The following NOL4L variants were observed in gnomAD, a reference collection of about 807,000 sequenced individuals.
NOL4L encodes the protein nucleolar protein 4 like.
A neutral mutation model predicts 64.5 loss-of-function variants in NOL4L; 7 were observed. The observed-to-expected ratio is 0.11, with a 90% confidence interval of 0.06 to 0.20. The LOEUF (loss-of-function observed/expected upper bound fraction) is 0.20. Among genes scored for constraint, NOL4L ranks in the 10% least tolerant of loss-of-function variants. The pLI is 1.00. For missense variants in NOL4L, 680 were observed against 967.1 expected, an observed-to-expected ratio of 0.70 and a Z score of 3.94; for synonymous variants, 413 against 401.0, an observed-to-expected ratio of 1.03 and a Z score of -0.36.
At chr20:32,487,216 C>T (rs1221891307) in intron 4 of NOL4L, among the ~76,000 whole-genome samples, 3 of 151,922 alleles carry the variant, frequency 2.0e-5, no homozygotes, top group African/African-American at 4.8e-5. Flanking sequence ...TGCAGTGAGC[C>T]GAGATCATAC....
intron 1 of NOL4L, among the ~76,000 whole-genome samples, chr20:32,546,407 T>C (rs143760861): frequency 5.7e-4 from 86 of 152,192 alleles, no homozygotes; most frequent in Non-Finnish European, 4.1e-4. Flanking sequence ...CCAGCTAATT[T>C]TGTATTTTTA....
chr20:32,471,080 C>A (rs1196187101), intron 5 of NOL4L, among the ~76,000 whole-genome samples: 1 of 152,214 alleles, frequency 6.6e-6, no homozygotes, highest in Non-Finnish European at 1.5e-5. Context: ...GACTCGCAGC[C>A]AGTGGCAGGG....
At chr20:32,530,035 T>A (rs2018286517) in intron 1 of NOL4L, among the ~76,000 whole-genome samples, 1 of 152,358 alleles carries the variant, frequency 6.6e-6, no homozygotes, top group South Asian at 2.1e-4. Context: ...GACTAACTTG[T>A]TCACTATTGA....
rs41289858 is a variant in NOL4L, at chr20:32,444,042, G to C, written c.*3554C>G. The C allele has an allele frequency of 1.3e-5, 2 of 152,338 alleles. No individual in the cohort carries two copies. Among genetic ancestry groups the C allele is most frequent in the Non-Finnish European group, 2.9e-5 (2 of 68,038 alleles). The allele number at this position is 152,338 out of a possible 1,614,324, so 9.4% of individuals were successfully genotyped here. ...GTGAGAGGTTTTTGTTTGTGGCTTT[G>C]CTAAGCAGATGAGCTTAGTGAGGTG... On this transcript the variant is annotated 3_prime_UTR_variant, in exon 11 of 11. Transcript: ENST00000621426.
Position 32,584,731 on chromosome 20 carries a change from C to T in NOL4L, c.160G>A (p.Glu54Lys). The change falls in exon 1 of 11, where the codon GAG (glutamate) becomes AAG (lysine). Residue 54 changes from glutamate (E) to lysine (K), a missense_variant. Coordinates refer to ENST00000621426, the MANE Select transcript of NOL4L (RefSeq NM_001256798.2). ...VTRSKYQRIA[E>K]VLQGGGGTGA... ...GTCCCGCCGCCGCCCTGCAGGACCT[C>T]GGCGATCCGCTGGTATTTGCTGCGT... 1.9e-6 allele frequency: 3 copies of T among 1,548,000 alleles called. No homozygotes were observed. Among genetic ancestry groups the T allele is most frequent in the Non-Finnish European group, 2.6e-6 (3 of 1,145,812 alleles).
At chr20:32,568,812 C>T (rs555948681) in intron 1 of NOL4L, among the ~76,000 whole-genome samples, 1 of 152,194 alleles carries the variant, frequency 6.6e-6, no homozygotes, top group African/African-American at 2.4e-5. Context: ...CGTCCTGGAA[C>T]TGGAGGAGCC....
chr20:32,575,214 T>A (rs1980017263), intron 1 of NOL4L, among the ~76,000 whole-genome samples: 2 of 152,016 alleles, frequency 1.3e-5, no homozygotes, highest in South Asian at 4.1e-4. Context: ...ATCTCTCTCC[T>A]CCATCTGGCC....
chr20:32,459,654 G>A (rs991305312), intron 5 of NOL4L, among the ~76,000 whole-genome samples: 1 of 152,076 alleles, frequency 6.6e-6, no homozygotes, highest in African/African-American at 2.4e-5. Context: ...CAAAGTGCTG[G>A]GATTACAGGC....
At chr20:32,493,341 G>T (rs906490914) in intron 4 of NOL4L, among the ~76,000 whole-genome samples, 1 of 152,144 alleles carries the variant, frequency 6.6e-6, no homozygotes, top group Admixed American at 6.5e-5. Context: ...CCACAGCTCC[G>T]GTGTGGATGA....
In NOL4L at chr20:32,443,786, C is replaced by G. The variant is rs2012223902; in HGVS notation, c.*3810G>C. ...CACTCCCAGGCTGCCCAGGGAAGAA[C>G]TACATTCATCCCACAGCTCTGCAGC... On this transcript the variant is annotated 3_prime_UTR_variant, in exon 11 of 11. Transcript: ENST00000621426. 1 of 142,248 alleles carries G rather than the reference C, an allele frequency of 7.0e-6. No homozygotes were observed. Among genetic ancestry groups the G allele is most frequent in the East Asian group, 2.1e-4 (1 of 4,754 alleles). 8.8% of individuals were successfully genotyped at this position (142,248 alleles called of 1,614,324 possible).
At chr20:32,493,173 G>C (rs1429674404) in intron 4 of NOL4L, among the ~76,000 whole-genome samples, 2 of 152,226 alleles carry the variant, frequency 1.3e-5, no homozygotes, top group Non-Finnish European at 2.9e-5. Flanking sequence ...CTCTCCGGCA[G>C]GTGAGGAGAG....
intron 4 of NOL4L, among the ~76,000 whole-genome samples, chr20:32,477,109 C>G (rs919111348): frequency 2.6e-5 from 4 of 152,226 alleles, no homozygotes; most frequent in Admixed American, 1.3e-4. Context: ...GAGAAAGGCT[C>G]TTGAACTCCA....
chr20:32,541,046 C>CACACACACA (rs1233280602), intron 1 of NOL4L, among the ~76,000 whole-genome samples: 1 of 150,604 alleles, frequency 6.6e-6, no homozygotes, highest in East Asian at 1.9e-4. Flanking sequence ...CACACACACA[C>CACACACACA]ACTATTCCCT....
chr20:32,447,514 TACCA>T lies in NOL4L; in HGVS notation c.*78_*81del. 6.7e-7 allele frequency: 1 copy of T among 1,488,400 alleles called. No homozygotes were observed. The highest frequency in any genetic ancestry group is 1.3e-5 in the South Asian group (1 of 74,796). 92.2% of individuals were successfully genotyped at this position (1,488,400 alleles called of 1,614,324 possible). A position where few individuals can be genotyped will look rare whatever the true frequency, so the allele number is the denominator to read the frequency against. ...TCCCACCTCTTTCAAAAACAAAATG[TACCA>T]ACTGGTGAGGCAGGAAGCCAGGTCC... On this transcript the variant is annotated 3_prime_UTR_variant, in exon 11 of 11. Transcript: ENST00000621426.
rs1431127129 is a variant in NOL4L at position 32,526,097 on chromosome 20, C to T, written c.477+1661G>A. ...TAAGAGAAGGGGTCTTGCTATGGTG[C>T]CCAGGTTGGTCTTGAACTTCCAGCT... On this transcript the variant is annotated intron_variant, in intron 2 of 10. Transcript: ENST00000621426. Among the ~76,000 whole-genome samples, 4 of 152,014 alleles carry T rather than the reference C, an allele frequency of 2.6e-5. No homozygotes were observed. In the East Asian group the frequency reaches 5.8e-4, roughly 22 times the overall value.
chr20:32,567,435 C>G (rs1373346252), intron 1 of NOL4L, among the ~76,000 whole-genome samples: 1 of 152,198 alleles, frequency 6.6e-6, no homozygotes, highest in African/African-American at 2.4e-5. Flanking sequence ...ATTGTTCTCC[C>G]TTTTCACAGA....
At chr20:32,474,352 C>T (rs569918604) in intron 5 of NOL4L, among the ~76,000 whole-genome samples, 23 of 152,254 alleles carry the variant, frequency 1.5e-4, no homozygotes, top group Non-Finnish European at 2.2e-4. Context: ...GCAGACCCCC[C>T]GCCCCGCAGG....
intron 1 of NOL4L, among the ~76,000 whole-genome samples, chr20:32,541,050 A>G (rs2018647529): frequency 1.6e-5 from 1 of 63,600 alleles, no homozygotes; most frequent in Non-Finnish European, 3.4e-5. Flanking sequence ...CACACACACT[A>G]TTCCCTCTGG....
chr20:32,566,040 G>A (rs1979409158), intron 1 of NOL4L, among the ~76,000 whole-genome samples: 1 of 152,198 alleles, frequency 6.6e-6, no homozygotes, highest in Non-Finnish European at 1.5e-5. Context: ...GCAAGGCCCT[G>A]TCTTAAAAAG....
Sources: allele counts gnomAD v4.1 joint callset (sites outside exome capture counted in the v4.1 genomes callset), GRCh38; gene constraint gnomAD v4.1.1; transcripts MANE v1.5; gene names NCBI Gene and HGNC (gene_info 2026-07-23, HGNC 2026-07-21).